GDAP2: variants seen among roughly 807,000 people sequenced by gnomAD.
The protein encoded by GDAP2 is ganglioside induced differentiation associated protein 2, also known as ganglioside-induced differentiation-associated protein 2.
Under a neutral mutation model 67.0 loss-of-function variants are expected in GDAP2, and 51 were observed. The observed-to-expected ratio is 0.76, with a 90% CI of 0.61 to 0.96. GDAP2 has a LOEUF of 0.96. GDAP2 is among the 40% of genes least tolerant of loss of function. The probability of loss-of-function intolerance (pLI) is 0.00; values close to 1 mark genes in which losing one functional copy is unlikely to be tolerated. For missense variants in GDAP2, 547 were observed against 588.3 expected (o/e 0.93, Z 0.73); for synonymous variants, 203 against 207.3 (o/e 0.98, Z 0.18).
intron 3 of GDAP2, among the ~76,000 whole-genome samples, chr1:117,916,802 G>A (rs916461791): frequency 1.3e-5 from 2 of 152,180 alleles, no homozygotes; most frequent in African/African-American, 4.8e-5. Flanking sequence ...GGGAGGCCGA[G>A]GCAGGCAGAT....
chr1:117,892,194 G>A (rs1008015841), intron 8 of GDAP2, among the ~76,000 whole-genome samples: 9 of 151,988 alleles, frequency 5.9e-5, no homozygotes, highest in African/African-American at 2.2e-4. Context: ...ACTATAGATT[G>A]TGTAAGTCTG....
chr1:117,899,042 A>T lies in GDAP2; in HGVS notation c.796+15T>A, dbSNP rs1649355008. 6.2e-7 allele frequency: 1 copy of T among 1,605,144 alleles called. No individual in the cohort carries two copies. The highest frequency in any genetic ancestry group is 8.5e-7 in the Non-Finnish European group (1 of 1,172,428). On this transcript the variant is annotated intron_variant, in intron 7 of 13. Transcript: ENST00000369443. ...CTAAGAGGGAGATTTAAAAAGTTAG[A>T]GCTCTAGAACTCACCTTCTGGAGCA...
intron 11 of GDAP2, among the ~76,000 whole-genome samples, chr1:117,882,229 T>C (rs1341453930): frequency 1.3e-5 from 2 of 152,102 alleles, no homozygotes; most frequent in Non-Finnish European, 1.5e-5. Flanking sequence ...CCACTTAAAA[T>C]TATAGCAAAA....
chr1:117,913,019 G>A (rs75751380), intron 3 of GDAP2, among the ~76,000 whole-genome samples: 1,752 of 152,214 alleles, frequency 0.012, 33 homozygotes, highest in African/African-American at 0.04. Context: ...TAACTAATAC[G>A]AAGCAAGTTG....
intron 13 of GDAP2, among the ~76,000 whole-genome samples, chr1:117,876,319 C>T (rs1648453159): frequency 6.6e-6 from 1 of 152,164 alleles, no homozygotes; most frequent in Non-Finnish European, 1.5e-5. Flanking sequence ...CCTGCACATA[C>T]TGGTTTCCCT....
chr1:117,928,923 CAAG>C (rs1436565406), intron 1 of GDAP2, among the ~76,000 whole-genome samples: 1 of 152,170 alleles, frequency 6.6e-6, no homozygotes, highest in Non-Finnish European at 1.5e-5. Context: ...AGTGAGCAAA[CAAG>C]GAGGAGTCAG....
chr1:117,872,108 A>G (rs939268588), intron 13 of GDAP2, among the ~76,000 whole-genome samples: 1 of 152,236 alleles, frequency 6.6e-6, no homozygotes, highest in African/African-American at 2.4e-5. Context: ...ATCACTGATC[A>G]TTAGAGAAAT....
rs1403315864 is a variant in GDAP2 at position 117,866,275 on chromosome 1, A to T, written c.*4294T>A. 6.6e-6 allele frequency: 1 copy of T among 152,148 alleles called. No individual in the cohort carries two copies. The highest frequency in any genetic ancestry group is 1.5e-5 in the Non-Finnish European group (1 of 68,036). The allele number at this position is 152,148 out of a possible 1,614,324, so 9.4% of individuals were successfully genotyped here. A position where few individuals can be genotyped will look rare whatever the true frequency, so the allele number is the denominator to read the frequency against. Reference sequence around the variant, plus strand: ...TGTCTCTCTCTCTCTGCCAAGTGAGAATACAGCAAGAAGCCAGAAGAGGGC... The same window carrying T: ...TGTCTCTCTCTCTCTGCCAAGTGAGTATACAGCAAGAAGCCAGAAGAGGGC... On this transcript the variant is annotated 3_prime_UTR_variant, in exon 14 of 14. Coordinates refer to ENST00000369443, the MANE Select transcript of GDAP2 (RefSeq NM_017686.4).
At chr1:117,916,333 A>G (rs113888313) in intron 3 of GDAP2, among the ~76,000 whole-genome samples, 1 of 152,328 alleles carries the variant, frequency 6.6e-6, no homozygotes, top group African/African-American at 2.4e-5. Flanking sequence ...GTGAGAAGAG[A>G]TCAGTTTGGC....
chr1:117,878,650 A>C (rs1182303128), intron 12 of GDAP2, among the ~76,000 whole-genome samples: 1 of 152,214 alleles, frequency 6.6e-6, no homozygotes, highest in African/African-American at 2.4e-5. Context: ...TTCTTTCTCG[A>C]AGTCCATCAA....
intron 13 of GDAP2, among the ~76,000 whole-genome samples, chr1:117,872,027 G>C (rs1208291072): frequency 1.3e-5 from 2 of 151,864 alleles, no homozygotes; most frequent in African/African-American, 2.4e-5. Context: ...AGCAGGCAAA[G>C]GATATGAACA....
rs1004588604 is a variant in GDAP2 at position 117,866,248 on chromosome 1, G to A, written c.*4321C>T. 1.1e-4 allele frequency: 16 copies of A among 152,118 alleles called. No homozygotes were observed. Among genetic ancestry groups the A allele is most frequent in the African/African-American group, 1.7e-4 (7 of 41,424 alleles). The allele number at this position is 152,118 out of a possible 1,614,324, so 9.4% of individuals were successfully genotyped here. A position where few individuals can be genotyped will look rare whatever the true frequency, so the allele number is the denominator to read the frequency against. On this transcript the variant is annotated 3_prime_UTR_variant, in exon 14 of 14. Coordinates refer to ENST00000369443, the MANE Select transcript of GDAP2 (RefSeq NM_017686.4). Reference sequence around the variant, plus strand: ...TTATAAGAAGAGACAGGAAAGTAACGATGTCTCTCTCTCTCTGCCAAGTGA... The same window carrying A: ...TTATAAGAAGAGACAGGAAAGTAACAATGTCTCTCTCTCTCTGCCAAGTGA...
At chr1:117,912,943 A>G (rs1649911942) in intron 3 of GDAP2, among the ~76,000 whole-genome samples, 1 of 152,214 alleles carries the variant, frequency 6.6e-6, no homozygotes, top group Non-Finnish European at 1.5e-5. Flanking sequence ...TTTGGAAGGT[A>G]GAATGTCAAC....
At chr1:117,893,857 A>G (rs1437277109) in intron 8 of GDAP2, among the ~76,000 whole-genome samples, 1 of 152,180 alleles carries the variant, frequency 6.6e-6, no homozygotes, top group Non-Finnish European at 1.5e-5. Flanking sequence ...TGTGTCATTT[A>G]TATCTACCAG....
At chr1:117,886,683 G>C (rs752858390) in intron 9 of GDAP2, 30 bp from the exon 10 acceptor site, 11 of 1,121,560 alleles carry the variant, frequency 9.8e-6, no homozygotes, top group Non-Finnish European at 1.1e-5. Context: ...TCAGCACCCA[G>C]AAACTTCATT....
intron 2 of GDAP2, 130 bp downstream of exon 2, chr1:117,920,052 T>G: frequency 3.7e-6 from 2 of 536,982 alleles, no homozygotes; most frequent in South Asian, 6.6e-5. Flanking sequence ...AAATGTCAAT[T>G]ATACCTCAAT....
At chr1:117,879,553 G>A (rs1421456834) in intron 12 of GDAP2, among the ~76,000 whole-genome samples, 2 of 152,100 alleles carry the variant, frequency 1.3e-5, no homozygotes, top group African/African-American at 4.8e-5. Flanking sequence ...GTCAGGTAAT[G>A]TTTTAAGTAT....
intron 3 of GDAP2, among the ~76,000 whole-genome samples, chr1:117,914,965 A>T (rs1649998320): frequency 6.7e-6 from 1 of 149,408 alleles, no homozygotes; most frequent in South Asian, 2.1e-4. Context: ...GGATGATGTT[A>T]AAAAAAAAAG....
At chr1:117,901,864 C>A (rs115017262) in intron 6 of GDAP2, among the ~76,000 whole-genome samples, 2,030 of 152,296 alleles carry the variant, frequency 0.013, 37 homozygotes, top group South Asian at 0.091. Flanking sequence ...CTCTTACACA[C>A]CATGCAAATA....
Sources: gnomAD v4.1 joint callset for allele counts (sites outside exome capture counted in the v4.1 genomes callset) on GRCh38, gnomAD v4.1.1 for gene constraint, MANE v1.5 for transcripts, NCBI Gene and HGNC (gene_info 2026-07-23, HGNC 2026-07-21) for gene names.